The following CCDC73 variants were observed in gnomAD, a reference collection of about 807,000 sequenced individuals.
CCDC73 encodes the protein coiled-coil domain containing 73, also known as coiled-coil domain-containing protein 73.
A neutral mutation model predicts 116.5 loss-of-function variants in CCDC73; 95 were observed. The ratio of observed to expected loss-of-function variants is 0.82; its 90% CI spans 0.69 to 0.97. The LOEUF (loss-of-function observed/expected upper bound fraction) is 0.97. CCDC73 is among the 50% of genes least tolerant of loss of function. The probability of loss-of-function intolerance (pLI) is 0.00; values close to 1 mark genes in which losing one functional copy is unlikely to be tolerated. For missense variants in CCDC73, 1,066 were observed against 1,206.8 expected (o/e 0.88, Z 1.73); for synonymous variants, 398 against 401.3 (o/e 0.99, Z 0.10).
chr11:32,706,635 A>G (rs987842358), intron 3 of CCDC73, among the ~76,000 whole-genome samples: 1 of 152,190 alleles, frequency 6.6e-6, no homozygotes, highest in Non-Finnish European at 1.5e-5. Flanking sequence ...TCAACTTCTC[A>G]TTTTATTCTC....
chr11:32,737,781 T>C (rs187652918), intron 2 of CCDC73, among the ~76,000 whole-genome samples: 165 of 151,694 alleles, frequency 1.1e-3, no homozygotes, highest in Non-Finnish European at 1.2e-3. Context: ...TTACTAGATC[T>C]TATTCAGTCT....
the CCDC73 span, among the ~76,000 whole-genome samples, chr11:32,815,412 G>A: frequency 0.1 from 15,521 of 150,210 alleles, 840 homozygotes; most frequent in Non-Finnish European, 0.13. Flanking sequence ...ATAACTCATT[G>A]TAACCTCAAA....
chr11:32,653,426 A>G (rs1165699013), intron 11 of CCDC73, among the ~76,000 whole-genome samples, 199 bp from the exon 12 acceptor site: 1 of 152,214 alleles, frequency 6.6e-6, no homozygotes, highest in African/African-American at 2.4e-5. Context: ...CAAATAATTA[A>G]CAAAGTTTTT....
chr11:32,675,125 C>T (rs1235274105), intron 9 of CCDC73, among the ~76,000 whole-genome samples: 2 of 152,156 alleles, frequency 1.3e-5, no homozygotes, highest in African/African-American at 2.4e-5. Flanking sequence ...AATAGTTTTA[C>T]ATTATTTAGT....
In CCDC73 at chr11:32,699,257, T is replaced by G. The variant is rs934586336; in HGVS notation, c.384A>C (p.Ala128=). ...EIEGLKETLK[A]LQVSKYSLQK... ...AATACGTAGTTATTTTTACCTGTAGTGCTTTTAATGTTTCCTTCAATCCTT... is the reference window on the plus strand; with the variant it reads ...AATACGTAGTTATTTTTACCTGTAGGGCTTTTAATGTTTCCTTCAATCCTT... Residue 128 remains alanine, a synonymous_variant, in exon 6 of 18, where the codon GCA becomes GCC. Transcript: ENST00000335185. The G allele has an allele frequency of 8.9e-6, 14 of 1,581,476 alleles. No individual in the cohort carries two copies. The highest frequency in any genetic ancestry group is 1.1e-5 in the Non-Finnish European group (13 of 1,160,062).
Position 32,613,495 on chromosome 11 carries a change from T to A in CCDC73, c.2823A>T (p.Glu941Asp). 1 of 1,614,154 alleles carries A rather than the reference T, an allele frequency of 6.2e-7. No individual in the cohort carries two copies. The highest frequency in any genetic ancestry group is 8.5e-7 in the Non-Finnish European group (1 of 1,179,996). The change falls in exon 16 of 18, where the codon GAA becomes GAT. Residue 941 changes from glutamate to aspartate, a missense_variant. By Grantham distance (45) the Glu-to-Asp change is conservative (BLOSUM62 2). Coordinates refer to ENST00000335185, the MANE Select transcript of CCDC73 (RefSeq NM_001008391.4). ...GAGCCATTGAAATGATCTTTTTGTT[T>A]TCTGATGGATCTAGTGGTCTCTCCT... ...LLKERPLDPS[E>D]NKKIISMALC... is the part of the protein sequence containing the mutation.
At position 32,702,909 on chromosome 11, in the gene CCDC73, C is replaced by T; in HGVS notation, c.243G>A (p.Glu81=). The T allele has an allele frequency of 6.2e-7, 1 of 1,613,290 alleles. No homozygotes were observed. The highest frequency in any genetic ancestry group is 8.5e-7 in the Non-Finnish European group (1 of 1,179,330). The part of the protein sequence containing the change: ...TLQNQKETLA[E]QHKEAMAVFK... ...AAACTGCCATTGCTTCCTTGTGTTG[C>T]TCTGCCAATGTTTCCTTTTGATTCT... The change falls in exon 4 of 18, where the codon GAG becomes GAA. Residue 81 remains glutamate, a synonymous_variant. Coordinates refer to ENST00000335185, the MANE Select transcript of CCDC73 (RefSeq NM_001008391.4).
chr11:32,724,102 G>A (rs1431494692), intron 2 of CCDC73, among the ~76,000 whole-genome samples: 1 of 151,838 alleles, frequency 6.6e-6, no homozygotes, highest in Non-Finnish European at 1.5e-5. Flanking sequence ...ATCAGAAAGG[G>A]GTATGATTCT....
At chr11:32,657,165 CAG>C (rs1361431131) in intron 9 of CCDC73, among the ~76,000 whole-genome samples, 1 of 152,128 alleles carries the variant, frequency 6.6e-6, no homozygotes, top group African/African-American at 2.4e-5. Context: ...CAGCAGAAAA[CAG>C]GGCTACTAAT....
intron 1 of CCDC73, among the ~76,000 whole-genome samples, chr11:32,776,033 T>TC (rs769585507): frequency 4.6e-5 from 7 of 152,184 alleles, no homozygotes; most frequent in Non-Finnish European, 8.8e-5. Flanking sequence ...GACATCTTTC[T>TC]CTTTCTCTCT....
intron 2 of CCDC73, among the ~76,000 whole-genome samples, chr11:32,731,744 G>A (rs1008339036): frequency 2.0e-5 from 3 of 151,876 alleles, no homozygotes; most frequent in Non-Finnish European, 4.4e-5. Flanking sequence ...ACATCCACAC[G>A]AAAATCCCAT....
intron 6 of CCDC73, among the ~76,000 whole-genome samples, chr11:32,689,777 CA>C (rs1856237165): frequency 6.6e-6 from 1 of 152,058 alleles, no homozygotes. Context: ...GGGCAGATCA[CA>C]AGGTCAGGAG....
At chr11:32,616,454 C>T (rs1294274722) in intron 14 of CCDC73, among the ~76,000 whole-genome samples, 2 of 152,028 alleles carry the variant, frequency 1.3e-5, no homozygotes, top group South Asian at 2.1e-4. Context: ...ACATGGCAGG[C>T]AAATTGTTTT....
At chr11:32,750,150 G>A (rs77361491) in intron 2 of CCDC73, among the ~76,000 whole-genome samples, 6 of 152,140 alleles carry the variant, frequency 3.9e-5, no homozygotes, top group Non-Finnish European at 7.4e-5. Flanking sequence ...GATTACAGGC[G>A]TGAGCCAACG....
At chr11:32,612,323 T>TC (rs1393374707) in intron 16 of CCDC73, among the ~76,000 whole-genome samples, 1 of 152,014 alleles carries the variant, frequency 6.6e-6, no homozygotes, top group African/African-American at 2.4e-5. Flanking sequence ...AAACATGCTG[T>TC]CCCAAAAATA....
At chr11:32,619,032 T>C (rs1855499490) in intron 14 of CCDC73, among the ~76,000 whole-genome samples, 2 of 152,092 alleles carry the variant, frequency 1.3e-5, no homozygotes, top group South Asian at 4.1e-4. Context: ...AGGTTATTTG[T>C]TTATTGCTTG....
At chr11:32,816,879 G>A in the CCDC73 span, among the ~76,000 whole-genome samples, 3 of 152,234 alleles carry the variant, frequency 2.0e-5, no homozygotes, top group Non-Finnish European at 2.9e-5. Context: ...TGCCTCCTGG[G>A]TTCAAGTGAT....
chr11:32,709,043 C>G (rs142003942), intron 3 of CCDC73, among the ~76,000 whole-genome samples: 4,649 of 152,206 alleles, frequency 0.031, 103 homozygotes, highest in Non-Finnish European at 0.05. Context: ...GTGGGTTTGT[C>G]ATAGATGGCT....
At chr11:32,648,173 G>C (rs1017121389) in intron 12 of CCDC73, among the ~76,000 whole-genome samples, 1 of 152,216 alleles carries the variant, frequency 6.6e-6, no homozygotes, top group East Asian at 1.9e-4. Context: ...TGTACTTCTA[G>C]AGGCACATGA....
Sources: allele counts gnomAD v4.1 joint callset (sites outside exome capture counted in the v4.1 genomes callset), GRCh38; gene constraint gnomAD v4.1.1; transcripts MANE v1.5; gene names NCBI Gene and HGNC (gene_info 2026-07-23, HGNC 2026-07-21).